Variants in TYR observed in about 807,000 individuals in gnomAD.
TYR encodes tyrosinase.
TYR carries 58 observed loss-of-function variants against 51.5 expected under a neutral mutation model. The ratio of observed to expected loss-of-function variants is 1.13; its 90% CI spans 0.91 to 1.40. The LOEUF is 1.40. Among genes scored for constraint, TYR ranks in the 40% most tolerant of loss-of-function variants. The pLI is 0.00. For missense variants in TYR, 732 were observed against 647.4 expected, an observed-to-expected ratio of 1.13 and a Z score of -1.42; for synonymous variants, 263 against 235.2, an observed-to-expected ratio of 1.12 and a Z score of -1.08.
At chr11:89,204,509 C>T (rs1299286956) in intron 2 of TYR, among the ~76,000 whole-genome samples, 1 of 151,942 alleles carries the variant, frequency 6.6e-6, no homozygotes, top group Non-Finnish European at 1.5e-5. Flanking sequence ...ATTCCCCTGC[C>T]TCAGTTTCCC....
rs150634405 is a variant in TYR, at chr11:89,220,490, A to T, written c.1037-7333A>T. Among the ~76,000 whole-genome samples, 14 of 152,350 alleles carry T rather than the reference A, an allele frequency of 9.2e-5. No homozygotes were observed. The East Asian group carries it at 2.5e-3, about 27-fold the overall frequency. Reference sequence around the variant, plus strand: ...CAACATGACATTTGGGCTAGGACACATATCCAAACTATATCATTACTGAAT... The same window carrying T: ...CAACATGACATTTGGGCTAGGACACTTATCCAAACTATATCATTACTGAAT... On this transcript the variant is annotated intron_variant, in intron 2 of 4. Transcript: ENST00000263321.
chr11:89,247,139 T>C (rs775499334), intron 3 of TYR, among the ~76,000 whole-genome samples: 3 of 152,200 alleles, frequency 2.0e-5, no homozygotes, highest in Non-Finnish European at 2.9e-5. Flanking sequence ...CAGCTGTTTT[T>C]CTTTTTGATG....
At position 89,216,608 on chromosome 11, in the gene TYR, G is replaced by A. The variant is rs568956285; in HGVS notation, c.1037-11215G>A. ...GCAGAGGTCGCAGTGAGCCGAGATC[G>A]CACCACTGCACTCCAGCCTGGATGG... On this transcript the variant is annotated intron_variant, in intron 2 of 4. Coordinates refer to ENST00000263321, the MANE Select transcript of TYR (RefSeq NM_000372.5). 6.3e-5 allele frequency among the ~76,000 whole-genome samples: 8 copies of A among 127,950 alleles called. No homozygotes were observed. In the East Asian group the frequency reaches 6.8e-4, roughly 11 times the overall value. 83.9% of individuals were successfully genotyped at this position (127,950 alleles called of 152,430 possible).
rs1464062644 is a variant in TYR, at chr11:89,178,408, C to A, written c.455C>A (p.Pro152His). 1 of 1,614,148 alleles carries A rather than the reference C, an allele frequency of 6.2e-7. No individual in the cohort carries two copies. Among genetic ancestry groups the A allele is most frequent in the East Asian group, 2.2e-5 (1 of 44,870 alleles). Reference sequence around the variant, plus strand: ...ACCATCAGCTCAGACTATGTCATCCCCATAGGGACCTATGGCCAAATGAAA... The same window carrying A: ...ACCATCAGCTCAGACTATGTCATCCACATAGGGACCTATGGCCAAATGAAA... ...KHTISSDYVI[P>H]IGTYGQMKNG... is the part of the protein sequence containing the mutation. The change falls in exon 1 of 5, where the codon CCC (proline) becomes CAC (histidine). Residue 152 changes from proline (P) to histidine (H), a missense_variant. Coordinates refer to ENST00000263321, the MANE Select transcript of TYR (RefSeq NM_000372.5).
At chr11:89,261,174 G>C (rs582480) in intron 3 of TYR, among the ~76,000 whole-genome samples, 2,263 of 152,184 alleles carry the variant, frequency 0.015, 54 homozygotes, top group African/African-American at 0.051. Context: ...AATAAAGAAA[G>C]ACATAACATG....
intron 4 of TYR, among the ~76,000 whole-genome samples, chr11:89,290,607 T>C (rs914026464): frequency 3.9e-5 from 6 of 152,054 alleles, no homozygotes; most frequent in African/African-American, 1.4e-4. Context: ...GTCTAGGGTT[T>C]ACCCTGGGTT....
intron 3 of TYR, among the ~76,000 whole-genome samples, chr11:89,256,687 G>A (rs984602692): frequency 3.3e-5 from 5 of 151,858 alleles, no homozygotes; most frequent in Non-Finnish European, 5.9e-5. Context: ...CTAGGACTGG[G>A]TAAAAATAAC....
Position 89,241,880 on chromosome 11 carries a change from G to A in TYR, c.1184+13910G>A, listed in dbSNP as rs537856065. ...AGTGAAATTGTCTCACTACAATTAT[G>A]TAACGTATTGCAGTCCATTTTTATA... On this transcript the variant is annotated intron_variant, in intron 3 of 4. Coordinates refer to ENST00000263321, the MANE Select transcript of TYR (RefSeq NM_000372.5). Among the ~76,000 whole-genome samples the A allele has an allele frequency of 2.0e-5, 3 of 149,232 alleles. No homozygotes were observed. The East Asian group carries it at 5.8e-4, about 29-fold the overall frequency.
At chr11:89,207,043 A>G (rs567342007) in intron 2 of TYR, among the ~76,000 whole-genome samples, 23 of 152,204 alleles carry the variant, frequency 1.5e-4, no homozygotes, top group African/African-American at 4.8e-4. Flanking sequence ...CAAGTCAGTA[A>G]TACAAACTCA....
chr11:89,228,540 C>A lies in TYR; in HGVS notation c.1184+570C>A, dbSNP rs575016476. Among the ~76,000 whole-genome samples the A allele has an allele frequency of 3.3e-5, 5 of 152,298 alleles. No individual in the cohort carries two copies. In the South Asian group the frequency reaches 8.3e-4, roughly 25 times the overall value. ...TAAGGCCATGTGGGCCTGGCACTAACCTACTACATCTGTCATCAATACATC... is the reference window on the plus strand; with the variant it reads ...TAAGGCCATGTGGGCCTGGCACTAAACTACTACATCTGTCATCAATACATC... On this transcript the variant is annotated intron_variant, in intron 3 of 4. Coordinates refer to ENST00000263321, the MANE Select transcript of TYR (RefSeq NM_000372.5).
At position 89,295,300 on chromosome 11, in the gene TYR, T is replaced by C; in HGVS notation, c.1524T>C (p.Pro508=). The C allele has an allele frequency of 6.2e-7, 1 of 1,613,452 alleles. No homozygotes were observed. The highest frequency in any genetic ancestry group is 8.5e-7 in the Non-Finnish European group (1 of 1,179,718). ...GTCGTCACAAGAGAAAGCAGCTTCC[T>C]GAAGAAAAGCAGCCACTCCTCATGG... ...LLCRHKRKQL[P]EEKQPLLMEK... Residue 508 remains proline (P), a synonymous_variant, in exon 5 of 5, where the codon CCT becomes CCC. Transcript: ENST00000263321.
At chr11:89,213,416 CA>C (rs776946164) in intron 2 of TYR, among the ~76,000 whole-genome samples, 4 of 152,032 alleles carry the variant, frequency 2.6e-5, no homozygotes, top group Non-Finnish European at 5.9e-5. Context: ...GACTACAAAC[CA>C]TGGTTCAAGG....
intron 3 of TYR, among the ~76,000 whole-genome samples, chr11:89,282,248 C>T (rs762001059): frequency 1.9e-4 from 29 of 151,902 alleles, no homozygotes; most frequent in Non-Finnish European, 3.8e-4. Flanking sequence ...ACAAAAGGTA[C>T]AATTTTTGCC....
chr11:89,197,616 G>T (rs1943537613), intron 2 of TYR, among the ~76,000 whole-genome samples: 1 of 152,080 alleles, frequency 6.6e-6, no homozygotes, highest in African/African-American at 2.4e-5. Context: ...GGCATTAGTA[G>T]AATGCAGAAA....
At chr11:89,276,821 C>T (rs1418749671) in intron 3 of TYR, among the ~76,000 whole-genome samples, 6 of 151,782 alleles carry the variant, frequency 4.0e-5, no homozygotes, top group Admixed American at 3.9e-4. Context: ...TGTGTAAACA[C>T]ACAGAGAACA....
chr11:89,210,919 T>C (rs1437513903), intron 2 of TYR, among the ~76,000 whole-genome samples: 1 of 152,036 alleles, frequency 6.6e-6, no homozygotes, highest in Non-Finnish European at 1.5e-5. Flanking sequence ...TGCTGAGAGA[T>C]TTTGTCACCA....
In TYR at chr11:89,227,380, T is replaced by G. The variant is rs1943989321; in HGVS notation, c.1037-443T>G. ...AGAGTCACAAATTTTACGCTTTCTC[T>G]GGAACCAGAAACCAAACTTAAAGTG... On this transcript the variant is annotated intron_variant, in intron 2 of 4. Transcript: ENST00000263321. 2.0e-5 allele frequency among the ~76,000 whole-genome samples: 3 copies of G among 152,166 alleles called. No individual in the cohort carries two copies. In the South Asian group the frequency reaches 6.2e-4, roughly 32 times the overall value.
chr11:89,179,937 C>T (rs1041896708), intron 1 of TYR, among the ~76,000 whole-genome samples: 1 of 152,122 alleles, frequency 6.6e-6, no homozygotes, highest in Admixed American at 6.6e-5. Flanking sequence ...TGAAATTAAG[C>T]CCAATATGTG....
Position 89,217,947 on chromosome 11 carries a change from T to C in TYR, c.1037-9876T>C, listed in dbSNP as rs150464678. On this transcript the variant is annotated intron_variant, in intron 2 of 4. Transcript: ENST00000263321. The stretch of plus-strand genomic sequence containing the variant: ...CAAAAATTTATTATTCCATGTTTTA[T>C]GGGTGAATAGTTATTTCTATTAACT... Among the ~76,000 whole-genome samples the C allele has an allele frequency of 3.0e-3, 455 of 152,330 alleles. 1 individual carries two copies. The highest frequency in any genetic ancestry group is 0.01 in the African/African-American group (432 of 41,574).
Sources: allele counts gnomAD v4.1 joint callset (sites outside exome capture counted in the v4.1 genomes callset), GRCh38; gene constraint gnomAD v4.1.1; transcripts MANE v1.5; gene names NCBI Gene and HGNC (gene_info 2026-07-23, HGNC 2026-07-21).